NKAIN2: variants seen among roughly 807,000 people sequenced by gnomAD.
NKAIN2 encodes the protein sodium/potassium transporting ATPase interacting 2.
In NKAIN2, 14 loss-of-function variants were observed where a neutral mutation model predicts 32.6. The observed-to-expected ratio is 0.43, with a 90% CI of 0.28 to 0.67. NKAIN2 has a LOEUF of 0.67. NKAIN2 is among the 30% of genes least tolerant of loss of function. The probability of loss-of-function intolerance (pLI) is 0.17; values close to 1 mark genes in which losing one functional copy is unlikely to be tolerated. For missense variants in NKAIN2, 198 were observed against 258.3 expected (o/e 0.77, Z 1.60); for synonymous variants, 80 against 87.2 (o/e 0.92, Z 0.46).
intron 4 of NKAIN2, among the ~76,000 whole-genome samples, chr6:124,671,789 G>T (rs559341617): frequency 1.7e-4 from 26 of 151,818 alleles, no homozygotes; most frequent in African/African-American, 4.1e-4. Flanking sequence ...TTCTCTTAAT[G>T]GCTATTGATT....
chr6:123,830,871 A>G (rs1251418650), intron 1 of NKAIN2, among the ~76,000 whole-genome samples: 4 of 152,326 alleles, frequency 2.6e-5, no homozygotes, highest in Non-Finnish European at 2.9e-5. Flanking sequence ...TGACTGACGA[A>G]TGAATGATTT....
chr6:123,949,956 T>C (rs564753650), intron 1 of NKAIN2, among the ~76,000 whole-genome samples: 1 of 152,152 alleles, frequency 6.6e-6, no homozygotes, highest in African/African-American at 2.4e-5. Flanking sequence ...TTCACTAAGT[T>C]GAGGTATGTT....
chr6:124,041,266 T>C (rs1276061723), intron 1 of NKAIN2, among the ~76,000 whole-genome samples: 1 of 152,052 alleles, frequency 6.6e-6, no homozygotes, highest in African/African-American at 2.4e-5. Context: ...ATGATCATTA[T>C]CCGCACATCA....
intron 1 of NKAIN2, among the ~76,000 whole-genome samples, chr6:123,987,742 G>C (rs1284604143): frequency 6.6e-6 from 1 of 152,066 alleles, no homozygotes; most frequent in Non-Finnish European, 1.5e-5. Flanking sequence ...GCCAGTGACA[G>C]AGAATTTCCC....
intron 2 of NKAIN2, among the ~76,000 whole-genome samples, chr6:124,314,131 C>G (rs1796839482): frequency 6.6e-6 from 1 of 152,026 alleles, no homozygotes; most frequent in Non-Finnish European, 1.5e-5. Context: ...AGGCCACCCT[C>G]TTTTTAGAAT....
At chr6:123,996,102 A>T (rs1008132831) in intron 1 of NKAIN2, among the ~76,000 whole-genome samples, 1 of 152,122 alleles carries the variant, frequency 6.6e-6, no homozygotes, top group Non-Finnish European at 1.5e-5. Context: ...AAGGAAGGGT[A>T]TTTGAGAAAG....
chr6:124,649,112 G>T (rs1279374402), intron 3 of NKAIN2, among the ~76,000 whole-genome samples: 1 of 151,674 alleles, frequency 6.6e-6, no homozygotes, highest in Non-Finnish European at 1.5e-5. Context: ...CTAAGCAGAA[G>T]GAAAGACCTA....
intron 1 of NKAIN2, among the ~76,000 whole-genome samples, chr6:123,904,623 G>T (rs1774768972): frequency 6.6e-6 from 1 of 152,192 alleles, no homozygotes; most frequent in Non-Finnish European, 1.5e-5. Flanking sequence ...GGAAGGGGAA[G>T]GGGGTGAGAA....
At chr6:124,149,803 A>C (rs1212944016) in intron 1 of NKAIN2, among the ~76,000 whole-genome samples, 2 of 152,128 alleles carry the variant, frequency 1.3e-5, no homozygotes, top group African/African-American at 2.4e-5. Context: ...ACTCAGACAC[A>C]GGTATGCAGT....
intron 1 of NKAIN2, among the ~76,000 whole-genome samples, chr6:124,184,558 A>G (rs1789611447): frequency 6.6e-6 from 1 of 152,104 alleles, no homozygotes; most frequent in African/African-American, 2.4e-5. Context: ...ATCCCTCACT[A>G]TCTGTACTCT....
intron 1 of NKAIN2, among the ~76,000 whole-genome samples, chr6:123,806,301 A>AT (rs747530558): frequency 7.9e-5 from 12 of 152,180 alleles, no homozygotes; most frequent in Non-Finnish European, 8.8e-5. Context: ...GAATCATGTG[A>AT]TTTTTCCCAT....
intron 3 of NKAIN2, among the ~76,000 whole-genome samples, chr6:124,510,121 T>G (rs1021906147): frequency 1.3e-5 from 2 of 150,886 alleles, no homozygotes; most frequent in African/African-American, 2.4e-5. Context: ...CCATGATTTT[T>G]GAAATTTAAT....
At chr6:123,883,341 T>C (rs1773542974) in intron 1 of NKAIN2, among the ~76,000 whole-genome samples, 1 of 152,076 alleles carries the variant, frequency 6.6e-6, no homozygotes, top group Non-Finnish European at 1.5e-5. Context: ...GAGACAGGGT[T>C]TCACCGTGTT....
chr6:123,806,366 G>A (rs541665476), intron 1 of NKAIN2, among the ~76,000 whole-genome samples: 1 of 152,114 alleles, frequency 6.6e-6, no homozygotes, highest in Admixed American at 6.5e-5. Context: ...TAACGCAGAT[G>A]CAGAACAAAA....
chr6:124,492,854 C>T (rs1488533563), intron 3 of NKAIN2, among the ~76,000 whole-genome samples: 1 of 151,892 alleles, frequency 6.6e-6, no homozygotes, highest in Non-Finnish European at 1.5e-5. Context: ...GAAAATTTTG[C>T]CACTAGTGAA....
intron 3 of NKAIN2, among the ~76,000 whole-genome samples, chr6:124,413,772 C>T (rs1001532200): frequency 6.6e-6 from 1 of 152,002 alleles, no homozygotes; most frequent in Non-Finnish European, 1.5e-5. Context: ...TGAATTTACC[C>T]CTAAATATTT....
intron 1 of NKAIN2, among the ~76,000 whole-genome samples, chr6:123,813,840 T>C (rs964868365): frequency 4.0e-5 from 6 of 150,136 alleles, no homozygotes; most frequent in Admixed American, 2.7e-4. Flanking sequence ...AGGTGGTATA[T>C]AAAGAGCTCT....
chr6:124,140,058 T>C (rs1410699070), intron 1 of NKAIN2, among the ~76,000 whole-genome samples: 2 of 152,284 alleles, frequency 1.3e-5, no homozygotes, highest in East Asian at 3.9e-4. Flanking sequence ...ATATGAGAAG[T>C]GCAAACTTCA....
chr6:124,159,606 T>C (rs1200941798), intron 1 of NKAIN2, among the ~76,000 whole-genome samples: 1 of 152,214 alleles, frequency 6.6e-6, no homozygotes, highest in South Asian at 2.1e-4. Context: ...TTAAACCTTA[T>C]ATTAGCCCAT....
Sources: gnomAD v4.1 joint callset for allele counts (sites outside exome capture counted in the v4.1 genomes callset) on GRCh38, gnomAD v4.1.1 for gene constraint, MANE v1.5 for transcripts, NCBI Gene and HGNC (gene_info 2026-07-23, HGNC 2026-07-21) for gene names.